Variants in NCAPD2 observed in about 807,000 individuals in gnomAD.
NCAPD2 encodes the protein non-SMC condensin I complex subunit D2.
Under a neutral mutation model 164.5 loss-of-function variants are expected in NCAPD2, and 100 were observed. The observed-to-expected ratio is 0.61, with a 90% confidence interval of 0.52 to 0.72. The LOEUF is 0.72. Among genes scored for constraint, NCAPD2 ranks in the 30% least tolerant of loss-of-function variants. The pLI is 0.00. For synonymous variants in NCAPD2, 585 were observed against 642.6 expected, an observed-to-expected ratio of 0.91 and a Z score of 1.36; for missense variants, 1,560 against 1,749.2, an observed-to-expected ratio of 0.89 and a Z score of 1.93.
chr12:6,513,301 G>A (rs1946168435), intron 6 of NCAPD2, among the ~76,000 whole-genome samples: 1 of 152,208 alleles, frequency 6.6e-6, no homozygotes, highest in Admixed American at 6.5e-5. Context: ...AGCACTTTGG[G>A]AGGCTGAGGC....
rs890945687 is a variant in NCAPD2, at chr12:6,520,439, A to G, written c.1590-547A>G. ...ACCATCACACCCACAGGCACACACC[A>G]TCACACCCACAGGCATACACCATCA... On this transcript the variant is annotated intron_variant, in intron 13 of 31. Coordinates refer to ENST00000315579, the MANE Select transcript of NCAPD2 (RefSeq NM_014865.4). Among the ~76,000 whole-genome samples, 5 of 145,512 alleles carry G rather than the reference A, an allele frequency of 3.4e-5. No homozygotes were observed. The East Asian group carries it at 7.9e-4, about 23-fold the overall frequency.
intron 2 of NCAPD2, among the ~76,000 whole-genome samples, chr12:6,501,192 C>T (rs1592164769): frequency 7.4e-6 from 1 of 135,270 alleles, no homozygotes; most frequent in South Asian, 2.4e-4. Context: ...ACCTGAGTAT[C>T]TAGGATTACA....
chr12:6,526,908 C>T lies in NCAPD2; in HGVS notation c.2752C>T (p.Leu918Phe). 1 of 1,613,148 alleles carries T rather than the reference C, an allele frequency of 6.2e-7. No individual in the cohort carries two copies. Among genetic ancestry groups the T allele is most frequent in the Non-Finnish European group, 8.5e-7 (1 of 1,179,612 alleles). The part of the protein sequence containing the change: ...QEDPKESPAM[L>F]PTFLLMNLLS... Reference sequence around the variant, plus strand: ...TCCTCCAGAGGAGTCCCCCGCAATGCTCCCCACTTTCCTGTTGATGAACCT... The same window carrying T: ...TCCTCCAGAGGAGTCCCCCGCAATGTTCCCCACTTTCCTGTTGATGAACCT... The change falls in exon 22 of 32, where the codon CTC becomes TTC. Residue 918 changes from leucine to phenylalanine, a missense_variant. Coordinates refer to ENST00000315579, the MANE Select transcript of NCAPD2 (RefSeq NM_014865.4).
chr12:6,509,559 GCT>G, intron 2 of NCAPD2, among the ~76,000 whole-genome samples, 156 bp from the exon 3 acceptor site: 1 of 152,296 alleles, frequency 6.6e-6, no homozygotes, highest in Admixed American at 6.5e-5. Flanking sequence ...ACCATGCCCG[GCT>G]CTCATCGTCA....
chr12:6,504,243 A>C (rs1427196872), intron 2 of NCAPD2, among the ~76,000 whole-genome samples: 5 of 102,856 alleles, frequency 4.9e-5, no homozygotes, highest in African/African-American at 1.7e-4. Context: ...ATATATATAT[A>C]CCATTGGTCC....
intron 14 of NCAPD2, 104 bp downstream of exon 14, chr12:6,521,214 G>A (rs1946260759): frequency 2.2e-6 from 3 of 1,364,042 alleles, no homozygotes. Context: ...ACCTGGTGCT[G>A]AAGAGCCCAG....
chr12:6,515,959 AG>A (rs1396655828), intron 9 of NCAPD2, among the ~76,000 whole-genome samples: 5 of 152,084 alleles, frequency 3.3e-5, no homozygotes, highest in Non-Finnish European at 7.4e-5. Flanking sequence ...TGGGAGGCTG[AG>A]GTGAGTGGAT....
At chr12:6,498,879 C>T (rs1946008016) in intron 2 of NCAPD2, among the ~76,000 whole-genome samples, 2 of 152,272 alleles carry the variant, frequency 1.3e-5, no homozygotes, top group East Asian at 3.9e-4. Flanking sequence ...GCTGGGATTA[C>T]AGGTGTGAGC....
At position 6,517,584 on chromosome 12, in the gene NCAPD2, T is replaced by A. The variant is rs890467739; in HGVS notation, c.1321-12T>A. On this transcript the variant is annotated splice_polypyrimidine_tract_variant and intron_variant, in intron 11 of 31. Transcript: ENST00000315579. ...GTCATTTACTGACCCTGCTATTCAT[T>A]TTACCTGATAGCTTAGTGATGCTGA... The A allele has an allele frequency of 1.9e-6, 3 of 1,614,210 alleles. No individual in the cohort carries two copies. The highest frequency in any genetic ancestry group is 3.3e-5 in the Admixed American group (2 of 60,020).
Position 6,503,739 on chromosome 12 carries a change from T to C in NCAPD2, c.128-5978T>C, listed in dbSNP as rs192062188. ...TGAGCCGAGATCGTGCCACTGCACTTCAGCCTGGGTGACAGAGCGAGACTC... is the reference window on the plus strand; with the variant it reads ...TGAGCCGAGATCGTGCCACTGCACTCCAGCCTGGGTGACAGAGCGAGACTC... On this transcript the variant is annotated intron_variant, in intron 2 of 31. Transcript: ENST00000315579. Among the ~76,000 whole-genome samples the C allele has an allele frequency of 9.5e-4, 143 of 150,002 alleles. 1 individual carries two copies. Among genetic ancestry groups the C allele is most frequent in the African/African-American group, 3.3e-3 (135 of 40,770 alleles).
Position 6,513,715 on chromosome 12 carries a change from C to CTTTTTTTTTTTTTT in NCAPD2, c.588-545_588-532dup, listed in dbSNP as rs71067124. On this transcript the variant is annotated intron_variant, in intron 6 of 31. Transcript: ENST00000315579. ...AATGAGAAGTCATTGGTGACTTTGT[C>CTTTTTTTTTTTTTT]TTTTTTTTTTTTTTTTTTGTGATGG... Among the ~76,000 whole-genome samples the CTTTTTTTTTTTTTT allele has an allele frequency of 5.7e-3, 427 of 74,866 alleles. 108 individuals are homozygous for CTTTTTTTTTTTTTT. The highest frequency in any genetic ancestry group is 0.017 in the African/African-American group (291 of 16,944). 49.1% of individuals were successfully genotyped at this position (74,866 alleles called of 152,430 possible). A position where few individuals can be genotyped will look rare whatever the true frequency, so the allele number is the denominator to read the frequency against.
intron 2 of NCAPD2, among the ~76,000 whole-genome samples, chr12:6,498,198 T>C (rs7300092): frequency 0.19 from 29,639 of 152,114 alleles, 3,165 homozygotes; most frequent in Non-Finnish European, 0.24. Flanking sequence ...TGTGAGCCAC[T>C]GCACCCAGCC....
At chr12:6,496,305 C>G (rs1451392754) in intron 2 of NCAPD2, among the ~76,000 whole-genome samples, 4 of 152,134 alleles carry the variant, frequency 2.6e-5, no homozygotes, top group Non-Finnish European at 5.9e-5. Context: ...CATGATCCAC[C>G]CACCTTGGCC....
At chr12:6,504,230 T>G (rs186712882) in intron 2 of NCAPD2, among the ~76,000 whole-genome samples, 1,718 of 78,746 alleles carry the variant, frequency 0.022, 32 homozygotes, top group Middle Eastern at 0.045. Flanking sequence ...TATAGATATA[T>G]ATATATATAT....
chr12:6,522,895 G>A lies in NCAPD2; in HGVS notation c.2022G>A (p.Gly674=), dbSNP rs761071794. 6 of 1,614,028 alleles carry A rather than the reference G, an allele frequency of 3.7e-6. No individual in the cohort carries two copies. In the Admixed American group the frequency reaches 1.0e-4, roughly 27 times the overall value. The part of the protein sequence containing the change: ...FQFGVPQALF[G]VRRMLPLIWS... ...TTGGGGTACCCCAGGCCCTGTTTGG[G>A]GTGCGCCGTATGCTGCCTCTCATCT... is the stretch of plus-strand genomic sequence containing the variant. The change falls in exon 16 of 32, where the codon GGG becomes GGA. Residue 674 remains glycine (G), a synonymous_variant. Transcript: ENST00000315579.
At chr12:6,527,492 T>C (rs1946327939) in intron 22 of NCAPD2, among the ~76,000 whole-genome samples, 1 of 152,224 alleles carries the variant, frequency 6.6e-6, no homozygotes, top group African/African-American at 2.4e-5. Flanking sequence ...TCTGTGACTT[T>C]GAACCATTGT....
At position 6,528,082 on chromosome 12, in the gene NCAPD2, G is replaced by C; in HGVS notation, c.3134G>C (p.Cys1045Ser). 6.2e-7 allele frequency: 1 copy of C among 1,614,252 alleles called. No homozygotes were observed. Among genetic ancestry groups the C allele is most frequent in the African/African-American group, 1.3e-5 (1 of 75,062 alleles). ...GCTTCACTTGCCCTTGGCAAGTTCT[G>C]CATGATCAGGTAGGCCGTGGGGTTG... Reference protein sequence around the residue: ...AAASLALGKFCMISATFCDSQ... With the variant: ...AAASLALGKFSMISATFCDSQ... The change falls in exon 24 of 32, where the codon TGC becomes TCC. Residue 1045 changes from cysteine to serine, a missense_variant. By Grantham distance (112) the Cys-to-Ser change is moderately radical. Transcript: ENST00000315579. The surrounding 1 kb of genome is among the most constrained non-coding windows in gnomAD (Gnocchi z 5.1).
In NCAPD2 at chr12:6,528,715, G is replaced by C. The variant is rs149244253; in HGVS notation, c.3336G>C (p.Ala1112=). 3.7e-6 allele frequency: 6 copies of C among 1,613,858 alleles called. No individual in the cohort carries two copies. In the South Asian group the frequency reaches 5.5e-5, roughly 15 times the overall value. ...CTGCTCAGCAAGTGCGGAAAACAGC[G>C]GGGCTGGTGATGACCCACCTGATCC... ...RDPAQQVRKT[A]GLVMTHLILK... The change falls in exon 26 of 32, where the codon GCG becomes GCC. Residue 1112 remains alanine (A), a synonymous_variant. Transcript: ENST00000315579. This position sits in a 1 kb window ranked among gnomAD's most constrained non-coding sequence, Gnocchi z 5.1.
intron 2 of NCAPD2, among the ~76,000 whole-genome samples, chr12:6,506,398 C>T (rs1003979840): frequency 6.6e-6 from 1 of 152,036 alleles, no homozygotes; most frequent in Non-Finnish European, 1.5e-5. Context: ...ACCATCCTGG[C>T]TAACACCGTG....
Sources: gnomAD v4.1 joint callset for allele counts (sites outside exome capture counted in the v4.1 genomes callset) on GRCh38, gnomAD v4.1.1 for gene constraint, Gnocchi (gnomAD v3.1) non-coding constraint, MANE v1.5 for transcripts, NCBI Gene and HGNC (gene_info 2026-07-23, HGNC 2026-07-21) for gene names.